Variants in SENP8 observed in about 807,000 individuals in gnomAD.
SENP8 encodes the protein SUMO peptidase family member, NEDD8 specific.
In SENP8, 10 loss-of-function variants were observed where a neutral mutation model predicts 14.4. The observed-to-expected ratio is 0.69, with a 90% CI of 0.43 to 1.18. The LOEUF is 1.18. Among genes scored for constraint, SENP8 ranks in the 50% most tolerant of loss-of-function variants. The pLI is 0.00. For missense variants in SENP8, 202 were observed against 249.4 expected (o/e 0.81, Z 1.28); for synonymous variants, 94 against 95.5 (o/e 0.98, Z 0.09).
chr15:72,118,037 G>T, upstream of SENP8: 1 of 396,664 alleles, frequency 2.5e-6, no homozygotes, highest in East Asian at 3.6e-5. Flanking sequence ...TCTCTCAACA[G>T]ACACAGCCAA....
intron 1 of SENP8, among the ~76,000 whole-genome samples, chr15:72,129,844 A>G (rs1474088724): frequency 6.6e-6 from 1 of 151,732 alleles, no homozygotes. Context: ...CCAGTCTAAA[A>G]AAAAAGAAAA....
At position 72,140,004 on chromosome 15, in the gene SENP8, T is replaced by A. The variant is rs550407989; in HGVS notation, c.381T>A (p.Val127=). The A allele has an allele frequency of 6.2e-7, 1 of 1,614,212 alleles. No individual in the cohort carries two copies. The highest frequency in any genetic ancestry group is 1.1e-5 in the South Asian group (1 of 91,086). Residue 127 remains valine, a synonymous_variant, in exon 2 of 2, where the codon GTT becomes GTA. Transcript: ENST00000340912. The part of the protein sequence containing the change: ...HYDSHSRSNS[V]HAKQVAEKLE... The stretch of plus-strand genomic sequence containing the variant: ...ATTCCCATAGCAGGAGCAACTCAGT[T>A]CACGCAAAGCAGGTAGCAGAGAAAC...
intron 1 of SENP8, among the ~76,000 whole-genome samples, chr15:72,119,034 AAAG>A (rs757980520): frequency 6.6e-6 from 1 of 152,222 alleles, no homozygotes; most frequent in Non-Finnish European, 1.5e-5. Flanking sequence ...GAAAGAGAAA[AAAG>A]AAGTAAAATA....
At chr15:72,123,621 A>G (rs1407050673) in intron 1 of SENP8, among the ~76,000 whole-genome samples, 2 of 151,930 alleles carry the variant, frequency 1.3e-5, no homozygotes, top group East Asian at 1.9e-4. Flanking sequence ...GCTCACCACA[A>G]CCGCCACCTC....
At chr15:72,117,856 A>G, upstream of SENP8, 1 of 398,482 alleles carries the variant, frequency 2.5e-6, no homozygotes, top group Non-Finnish European at 4.4e-6. Flanking sequence ...GCCGCGGCGC[A>G]TCCCCCGCCC....
Position 72,141,351 on chromosome 15 carries a change from C to T in SENP8, c.*1089C>T, listed in dbSNP as rs1289418580. The T allele has an allele frequency of 6.6e-6, 1 of 151,940 alleles. No homozygotes were observed. Among genetic ancestry groups the T allele is most frequent in the Non-Finnish European group, 1.5e-5 (1 of 67,984 alleles). The allele number at this position is 151,940 out of a possible 1,614,324, so 9.4% of individuals were successfully genotyped here. ...GAATGTAATTTGTAAAATGTGGAAC[C>T]AAGAGTAGAACGAAATACTATCCCT... On this transcript the variant is annotated 3_prime_UTR_variant, in exon 2 of 2. Transcript: ENST00000340912.
intron 1 of SENP8, among the ~76,000 whole-genome samples, chr15:72,138,507 G>A (rs923131617): frequency 4.0e-5 from 6 of 150,784 alleles, no homozygotes; most frequent in African/African-American, 9.7e-5. Context: ...GCCCCACCAC[G>A]CCCGGCTAAT....
At chr15:72,136,323 T>C (rs2140521281) in intron 1 of SENP8, among the ~76,000 whole-genome samples, 1 of 152,358 alleles carries the variant, frequency 6.6e-6, no homozygotes, top group East Asian at 1.9e-4. Flanking sequence ...TGTTTACCTT[T>C]CTCTGGCCAG....
Position 72,143,618 on chromosome 15 carries a change from C to A in SENP8, c.*3356C>A, listed in dbSNP as rs962125876. The A allele has an allele frequency of 6.6e-6, 1 of 152,124 alleles. No individual in the cohort carries two copies. Among genetic ancestry groups the A allele is most frequent in the African/African-American group, 2.4e-5 (1 of 41,398 alleles). The allele number at this position is 152,124 out of a possible 1,614,324, so 9.4% of individuals were successfully genotyped here. On this transcript the variant is annotated 3_prime_UTR_variant, in exon 2 of 2. Coordinates refer to ENST00000340912, the MANE Select transcript of SENP8 (RefSeq NM_145204.4). ...GAGGTTCTATAGAAATATATAATCT[C>A]ATTAATTCTTATGTTCTCATGTTTC...
chr15:72,126,908 A>G (rs1234766037), intron 1 of SENP8, among the ~76,000 whole-genome samples: 1 of 152,140 alleles, frequency 6.6e-6, no homozygotes, highest in Non-Finnish European at 1.5e-5. Flanking sequence ...GTTTTAAGTC[A>G]AGGTTCTGCA....
intron 1 of SENP8, among the ~76,000 whole-genome samples, chr15:72,119,790 G>A (rs2081139200): frequency 6.6e-6 from 1 of 152,176 alleles, no homozygotes; most frequent in African/African-American, 2.4e-5. Flanking sequence ...ACTACAGAGA[G>A]GCTTGGAGAT....
chr15:72,139,511 A>C (rs2081359440), intron 1 of SENP8, 66 bp from the exon 2 acceptor site: 1 of 1,416,818 alleles, frequency 7.1e-7, no homozygotes, highest in Non-Finnish European at 9.6e-7. Flanking sequence ...ACCCTATAAA[A>C]GTAACTACTA....
intron 1 of SENP8, among the ~76,000 whole-genome samples, chr15:72,125,399 ATG>A (rs2081207114): frequency 6.6e-6 from 1 of 152,010 alleles, no homozygotes; most frequent in Non-Finnish European, 1.5e-5. Flanking sequence ...GTGTCTTTTC[ATG>A]TGTTTATTGA....
intron 1 of SENP8, among the ~76,000 whole-genome samples, chr15:72,137,551 A>G (rs1424029468): frequency 6.6e-6 from 1 of 152,208 alleles, no homozygotes; most frequent in East Asian, 1.9e-4. Flanking sequence ...AGAATCAGGA[A>G]TGAATTTCAT....
chr15:72,140,070 T>C lies in SENP8; in HGVS notation c.447T>C (p.Phe149=). Residue 149 remains phenylalanine (F), a synonymous_variant, in exon 2 of 2, where the codon TTT becomes TTC. Transcript: ENST00000340912. The part of the protein sequence containing the change: ...FLGRKGDKLA[F]VEEKAPAQQN... ...GCAGAAAAGGAGACAAACTGGCCTTTGTGGAAGAGAAAGCCCCTGCCCAAC... is the reference window on the plus strand; with the variant it reads ...GCAGAAAAGGAGACAAACTGGCCTTCGTGGAAGAGAAAGCCCCTGCCCAAC... 1.9e-6 allele frequency: 3 copies of C among 1,614,164 alleles called. No individual in the cohort carries two copies. The highest frequency in any genetic ancestry group is 1.7e-6 in the Non-Finnish European group (2 of 1,180,040).
upstream of SENP8, among the ~76,000 whole-genome samples, chr15:72,114,834 C>T (rs1326549976): frequency 6.6e-6 from 1 of 152,116 alleles, no homozygotes; most frequent in African/African-American, 2.4e-5. Flanking sequence ...ATATTTATTT[C>T]AAACTGAGTT....
intron 1 of SENP8, among the ~76,000 whole-genome samples, chr15:72,132,499 T>C (rs1339654166): frequency 6.6e-6 from 1 of 152,092 alleles, no homozygotes; most frequent in East Asian, 1.9e-4. Context: ...CCAGGCACAG[T>C]GCTCACTACA....
chr15:72,143,593 G>A lies in SENP8; in HGVS notation c.*3331G>A, dbSNP rs147525521. 6.6e-6 allele frequency: 1 copy of A among 151,938 alleles called. No homozygotes were observed. The highest frequency in any genetic ancestry group is 1.5e-5 in the Non-Finnish European group (1 of 68,004). 9.4% of individuals were successfully genotyped at this position (151,938 alleles called of 1,614,324 possible). On this transcript the variant is annotated 3_prime_UTR_variant, in exon 2 of 2. Transcript: ENST00000340912. ...TATATAAAGTAACTTGTACATTTTT[G>A]AGGTTCTATAGAAATATATAATCTC...
intron 1 of SENP8, among the ~76,000 whole-genome samples, chr15:72,128,470 AGAG>A (rs1300470326): frequency 6.6e-6 from 1 of 152,242 alleles, no homozygotes; most frequent in Non-Finnish European, 1.5e-5. Flanking sequence ...CCAAGCCAAC[AGAG>A]GAGACTGAAT....
Sources: allele counts gnomAD v4.1 joint callset (sites outside exome capture counted in the v4.1 genomes callset), GRCh38; gene constraint gnomAD v4.1.1; transcripts MANE v1.5; gene names NCBI Gene and HGNC (gene_info 2026-07-23, HGNC 2026-07-21).